LMOD2: variants seen among roughly 807,000 people sequenced by gnomAD.
LMOD2 encodes leiomodin-2.
Under a neutral mutation model 41.7 loss-of-function variants are expected in LMOD2, and 27 were observed. The ratio of observed to expected loss-of-function variants is 0.65; its 90% confidence interval spans 0.48 to 0.89. The LOEUF is 0.89. Ranked by LOEUF, LMOD2 falls within the 40% of genes least tolerant of loss-of-function variation. LMOD2 has a pLI of 0.00. For missense variants in LMOD2, 624 were observed against 667.9 expected, an observed-to-expected ratio of 0.93 and a Z score of 0.72; for synonymous variants, 251 against 244.6, an observed-to-expected ratio of 1.03 and a Z score of -0.25.
intron 1 of LMOD2, among the ~76,000 whole-genome samples, chr7:123,656,933 C>T (rs923004593): frequency 5.9e-5 from 9 of 152,152 alleles, no homozygotes; most frequent in Admixed American, 5.9e-4. Flanking sequence ...AAGAAAATAG[C>T]CCTGGGCTTG....
intron 2 of LMOD2, 70 bp from the exon 3 acceptor site, chr7:123,663,649 C>A: frequency 7.8e-7 from 1 of 1,277,704 alleles, no homozygotes; most frequent in Non-Finnish European, 1.1e-6. Flanking sequence ...CTGCTAGAGA[C>A]ATATCCTACA....
chr7:123,657,447 C>T (rs575768336), intron 1 of LMOD2, among the ~76,000 whole-genome samples: 3 of 152,170 alleles, frequency 2.0e-5, no homozygotes, highest in Non-Finnish European at 4.4e-5. Context: ...GTTTTGTCCA[C>T]GTCAATCATT....
chr7:123,661,210 T>C (rs1203983587), intron 1 of LMOD2, among the ~76,000 whole-genome samples: 1 of 152,224 alleles, frequency 6.6e-6, no homozygotes, highest in Non-Finnish European at 1.5e-5. Context: ...GAGAGTCTTC[T>C]GTGGTAGAGC....
At chr7:123,656,428 T>C (rs1802788802) in intron 1 of LMOD2, among the ~76,000 whole-genome samples, 192 bp downstream of exon 1, 1 of 152,222 alleles carries the variant, frequency 6.6e-6, no homozygotes, top group African/African-American at 2.4e-5. Flanking sequence ...TGGATCATAA[T>C]ATGTAAAATT....
chr7:123,662,137 C>CA lies in LMOD2; in HGVS notation c.552dup (p.Glu185ArgfsTer16). 1 of 1,613,456 alleles carries CA rather than the reference C, an allele frequency of 6.2e-7. No individual in the cohort carries two copies. ...ACCAATGGCAGCAATGGGAGGAACA[C>CA]AGAGTCCCCAGCTGCCATTCACCCT... On this transcript the variant is annotated frameshift_variant, in exon 2 of 3. Coordinates refer to ENST00000458573, the MANE Select transcript of LMOD2 (RefSeq NM_207163.3). LOFTEE classifies it high-confidence loss of function. The surrounding 1 kb of genome is among the most constrained non-coding windows in gnomAD (Gnocchi z 4.0).
chr7:123,661,154 T>A (rs1009963466), intron 1 of LMOD2, among the ~76,000 whole-genome samples: 4 of 152,232 alleles, frequency 2.6e-5, no homozygotes, highest in African/African-American at 7.2e-5. Flanking sequence ...TAGGCTTCCC[T>A]TGCCCAGATA....
In LMOD2 at chr7:123,661,904, T is replaced by C; in HGVS notation, c.318T>C (p.Thr106=). The C allele has an allele frequency of 6.5e-7, 1 of 1,546,456 alleles. No individual in the cohort carries two copies. The highest frequency in any genetic ancestry group is 8.7e-7 in the Non-Finnish European group (1 of 1,145,104). ...KEESEEELIF[T]ESNSEVSEEV... Reference sequence around the variant, plus strand: ...AAAGTGAAGAAGAGCTTATCTTTACTGAAAGTAACAGTGAGGTTTCTGAGG... The same window carrying C: ...AAAGTGAAGAAGAGCTTATCTTTACCGAAAGTAACAGTGAGGTTTCTGAGG... Residue 106 remains threonine, a synonymous_variant, in exon 2 of 3, where the codon ACT becomes ACC. Coordinates refer to ENST00000458573, the MANE Select transcript of LMOD2 (RefSeq NM_207163.3).
rs756545544 is a variant in LMOD2 at position 123,656,217 on chromosome 7, G to C, written c.254G>C (p.Arg85Thr). The change falls in exon 1 of 3, where the codon AGG becomes ACG. Residue 85 changes from arginine (R) to threonine (T), a missense_variant. Arg to Thr is a moderately conservative substitution (Grantham distance 71). Transcript: ENST00000458573. ...TCCCAAAAACTCTTGGAGAAGGAGA[G>C]GCTGGGGGAATGTGGAAAGGTAGGC... The part of the protein sequence containing the change: ...KESQKLLEKE[R>T]LGECGKVAED... 1 of 1,608,066 alleles carries C rather than the reference G, an allele frequency of 6.2e-7. No homozygotes were observed. The highest frequency in any genetic ancestry group is 8.5e-7 in the Non-Finnish European group (1 of 1,177,528).
chr7:123,660,565 C>T (rs1332680745), intron 1 of LMOD2, among the ~76,000 whole-genome samples: 1 of 147,488 alleles, frequency 6.8e-6, no homozygotes, highest in African/African-American at 2.5e-5. Flanking sequence ...CTACATGCTT[C>T]AGGCAGCGGG....
chr7:123,658,349 C>T (rs1405967786), intron 1 of LMOD2, among the ~76,000 whole-genome samples: 3 of 152,170 alleles, frequency 2.0e-5, no homozygotes, highest in Non-Finnish European at 4.4e-5. Flanking sequence ...ATTCCCACAA[C>T]AGGGAAAATC....
At chr7:123,659,718 C>A (rs1351249528) in intron 1 of LMOD2, among the ~76,000 whole-genome samples, 1 of 152,192 alleles carries the variant, frequency 6.6e-6, no homozygotes, top group Non-Finnish European at 1.5e-5. Context: ...CTGGGAAAAA[C>A]AAGTGACCAA....
intron 1 of LMOD2, among the ~76,000 whole-genome samples, chr7:123,657,721 C>T (rs1439061648): frequency 6.6e-6 from 1 of 150,628 alleles, no homozygotes; most frequent in Non-Finnish European, 1.5e-5. Flanking sequence ...CCTATAATTC[C>T]CACACTTTTT....
At chr7:123,661,238 C>T (rs775039350) in intron 1 of LMOD2, among the ~76,000 whole-genome samples, 8 of 152,076 alleles carry the variant, frequency 5.3e-5, no homozygotes, top group South Asian at 2.1e-4. Context: ...CGGGCTCTAC[C>T]GTAGAAGCAG....
chr7:123,660,269 CA>C (rs1472400636), intron 1 of LMOD2, among the ~76,000 whole-genome samples: 1 of 151,666 alleles, frequency 6.6e-6, no homozygotes, highest in Middle Eastern at 3.2e-3. Flanking sequence ...CAGCTGCCAC[CA>C]AACATTTCTC....
At position 123,664,137 on chromosome 7, in the gene LMOD2, G is replaced by C. The variant is rs139084018; in HGVS notation, c.*392G>C. 8.1e-5 allele frequency: 14 copies of C among 173,786 alleles called. No individual in the cohort carries two copies. In the East Asian group the frequency reaches 2.2e-3, roughly 27 times the overall value. 10.8% of individuals were successfully genotyped at this position (173,786 alleles called of 1,614,324 possible). On this transcript the variant is annotated 3_prime_UTR_variant, in exon 3 of 3. Coordinates refer to ENST00000458573, the MANE Select transcript of LMOD2 (RefSeq NM_207163.3). The stretch of plus-strand genomic sequence containing the variant: ...TATTTTTCTGTGACTTGATACATCT[G>C]TCAGATTTTTGTAATCTCGATAAAT...
In LMOD2 at chr7:123,661,841, A is replaced by T. The variant is rs1584843051; in HGVS notation, c.274-19A>T. 7.0e-7 allele frequency: 1 copy of T among 1,430,152 alleles called. No homozygotes were observed. The highest frequency in any genetic ancestry group is 9.3e-7 in the Non-Finnish European group (1 of 1,072,900). 88.6% of individuals were successfully genotyped at this position (1,430,152 alleles called of 1,614,324 possible). A position where few individuals can be genotyped will look rare whatever the true frequency, so the allele number is the denominator to read the frequency against. ...GGTATCATTTTTAAGAAGCTTAATG[A>T]TGATATCATACTCTTTAGGTTGCAG... On this transcript the variant is annotated intron_variant, in intron 1 of 2. Coordinates refer to ENST00000458573, the MANE Select transcript of LMOD2 (RefSeq NM_207163.3).
chr7:123,658,140 G>C (rs945699235), intron 1 of LMOD2, among the ~76,000 whole-genome samples: 1 of 152,064 alleles, frequency 6.6e-6, no homozygotes, highest in African/African-American at 2.4e-5. Context: ...TCAGCCGGAC[G>C]AACCCACCTG....
chr7:123,657,710 GC>G (rs1802810212), intron 1 of LMOD2, among the ~76,000 whole-genome samples: 1 of 147,980 alleles, frequency 6.8e-6, no homozygotes, highest in African/African-American at 2.5e-5. Context: ...GCTGGCTCAC[GC>G]CTATAATTCC....
Position 123,662,297 on chromosome 7 carries a change from G to A in LMOD2, c.711G>A (p.Lys237=). 1.9e-6 allele frequency: 3 copies of A among 1,613,988 alleles called. No individual in the cohort carries two copies. The highest frequency in any genetic ancestry group is 2.5e-6 in the Non-Finnish European group (3 of 1,179,888). The change falls in exon 2 of 3, where the codon AAG becomes AAA. Residue 237 remains lysine, a synonymous_variant. Transcript: ENST00000458573. The surrounding 1 kb of genome is among the most constrained non-coding windows in gnomAD (Gnocchi z 4.0). ...QTLTRFAEAL[K]DNTVVKTFSL... ...TTACCCGCTTTGCTGAAGCCCTCAAGGACAACACTGTGGTGAAGACGTTCA... is the reference window on the plus strand; with the variant it reads ...TTACCCGCTTTGCTGAAGCCCTCAAAGACAACACTGTGGTGAAGACGTTCA...
Sources: gnomAD v4.1 joint callset for allele counts (sites outside exome capture counted in the v4.1 genomes callset) on GRCh38, gnomAD v4.1.1 for gene constraint, Gnocchi (gnomAD v3.1) non-coding constraint, MANE v1.5 for transcripts, NCBI Gene and HGNC (gene_info 2026-07-23, HGNC 2026-07-21) for gene names.